The following GRID1 variants were observed in gnomAD, a reference collection of about 807,000 sequenced individuals.
GRID1 encodes glutamate ionotropic receptor delta type subunit 1.
In GRID1, 28 loss-of-function variants were observed where a neutral mutation model predicts 98.0. That is an observed-to-expected ratio of 0.29 (90% confidence interval 0.21 to 0.39). The LOEUF (loss-of-function observed/expected upper bound fraction) is 0.39, where lower values mean the gene tolerates loss of function less well. Among genes scored for constraint, GRID1 ranks in the 10% least tolerant of loss-of-function variants. GRID1 has a pLI of 1.00. For synonymous variants in GRID1, 553 were observed against 538.5 expected, an observed-to-expected ratio of 1.03 and a Z score of -0.37; for missense variants, 1,111 against 1,340.5, an observed-to-expected ratio of 0.83 and a Z score of 2.67.
At chr10:85,779,805 T>C (rs937710649) in intron 8 of GRID1, among the ~76,000 whole-genome samples, 2 of 152,148 alleles carry the variant, frequency 1.3e-5, no homozygotes, top group African/African-American at 2.4e-5. Context: ...CCTGTGGAGA[T>C]GAAGACGGAA....
chr10:86,183,419 G>A (rs923192256), intron 3 of GRID1, among the ~76,000 whole-genome samples: 2 of 152,052 alleles, frequency 1.3e-5, no homozygotes, highest in Non-Finnish European at 2.9e-5. Flanking sequence ...AAGTGCAATG[G>A]CATGATCTCA....
At chr10:86,145,912 G>A (rs954666727) in intron 3 of GRID1, among the ~76,000 whole-genome samples, 16 of 152,090 alleles carry the variant, frequency 1.1e-4, no homozygotes, top group African/African-American at 3.4e-4. Flanking sequence ...CCACGTAGCC[G>A]GTGGAGGCAA....
intron 4 of GRID1, among the ~76,000 whole-genome samples, chr10:86,002,161 G>A (rs1365382184): frequency 6.6e-6 from 1 of 152,140 alleles, no homozygotes; most frequent in African/African-American, 2.4e-5. Flanking sequence ...TGCCAAACAA[G>A]GTCACATTCA....
chr10:86,266,026 G>A (rs1240222843), intron 2 of GRID1, among the ~76,000 whole-genome samples: 1 of 152,010 alleles, frequency 6.6e-6, no homozygotes, highest in Non-Finnish European at 1.5e-5. Flanking sequence ...CCCTCTCAGA[G>A]GCTCAGGTCT....
At chr10:86,055,448 C>T (rs1843559484) in intron 4 of GRID1, among the ~76,000 whole-genome samples, 1 of 152,092 alleles carries the variant, frequency 6.6e-6, no homozygotes, top group African/African-American at 2.4e-5. Flanking sequence ...GTGGGGCCTT[C>T]ATGATGGGAT....
intron 2 of GRID1, among the ~76,000 whole-genome samples, chr10:86,325,948 T>C (rs1848043689): frequency 6.6e-6 from 1 of 152,192 alleles, no homozygotes; most frequent in Non-Finnish European, 1.5e-5. Flanking sequence ...AAAATTGACA[T>C]AATTTGTAGC....
chr10:85,802,838 AACACAC>A (rs59101010), intron 8 of GRID1, among the ~76,000 whole-genome samples: 9,044 of 120,896 alleles, frequency 0.075, 499 homozygotes, highest in African/African-American at 0.14. Context: ...AAGCAGAATA[AACACAC>A]ACACACACAC....
intron 12 of GRID1, among the ~76,000 whole-genome samples, chr10:85,662,575 C>G (rs150628139): frequency 1.1e-4 from 17 of 152,184 alleles, no homozygotes; most frequent in African/African-American, 3.1e-4. Context: ...CAATGCCAAC[C>G]GGAGAGAGGC....
At chr10:85,925,255 G>A (rs2131829346) in intron 4 of GRID1, among the ~76,000 whole-genome samples, 1 of 152,340 alleles carries the variant, frequency 6.6e-6, no homozygotes, top group African/African-American at 2.4e-5. Flanking sequence ...GTCCTGATGG[G>A]AGGCAACGGA....
intron 6 of GRID1, among the ~76,000 whole-genome samples, chr10:85,864,618 G>A (rs191267305): frequency 1.7e-3 from 253 of 152,328 alleles, no homozygotes; most frequent in African/African-American, 5.5e-3. Context: ...GGGAGGCTCA[G>A]TGAAGCTCCA....
intron 2 of GRID1, among the ~76,000 whole-genome samples, chr10:86,292,266 C>T (rs1489020433): frequency 2.0e-5 from 3 of 152,250 alleles, no homozygotes; most frequent in African/African-American, 4.8e-5. Context: ...ATGGCACATC[C>T]GCAGGCCTCA....
intron 5 of GRID1, among the ~76,000 whole-genome samples, chr10:85,889,940 C>T (rs1188407683): frequency 2.0e-5 from 3 of 151,958 alleles, no homozygotes; most frequent in Admixed American, 6.6e-5. Context: ...TGCACATATT[C>T]GGGGGTATAT....
chr10:85,727,822 G>GC, intron 10 of GRID1, 33 bp downstream of exon 10: 1 of 1,514,556 alleles, frequency 6.6e-7, no homozygotes, highest in Non-Finnish European at 9.2e-7. Flanking sequence ...AGACTAGGGT[G>GC]CCCCTCCCCC....
intron 2 of GRID1, among the ~76,000 whole-genome samples, chr10:86,345,660 C>T (rs548865432): frequency 6.6e-6 from 1 of 152,352 alleles, no homozygotes; most frequent in Non-Finnish European, 1.5e-5. Flanking sequence ...GCCATCCCCA[C>T]AGGCCTCTCT....
intron 8 of GRID1, among the ~76,000 whole-genome samples, chr10:85,816,041 T>C (rs2131747170): frequency 6.6e-6 from 1 of 152,034 alleles, no homozygotes; most frequent in East Asian, 1.9e-4. Flanking sequence ...CTGGCAAAAA[T>C]GTGGAGCAAA....
At chr10:86,224,427 C>T (rs1003030758) in intron 2 of GRID1, among the ~76,000 whole-genome samples, 21 of 152,198 alleles carry the variant, frequency 1.4e-4, no homozygotes, top group African/African-American at 5.1e-4. Context: ...CAGAGGAGAA[C>T]ACAAGGAGTC....
At chr10:86,108,171 G>A (rs1050612458) in intron 4 of GRID1, among the ~76,000 whole-genome samples, 4 of 152,144 alleles carry the variant, frequency 2.6e-5, no homozygotes, top group Non-Finnish European at 4.4e-5. Flanking sequence ...CAGCCTGCCC[G>A]TCTGTATGCT....
intron 4 of GRID1, among the ~76,000 whole-genome samples, chr10:86,124,548 G>T (rs956645835): frequency 1.3e-5 from 2 of 152,132 alleles, no homozygotes; most frequent in Non-Finnish European, 2.9e-5. Flanking sequence ...GTGCCCCCAC[G>T]AAACCACTCT....
intron 8 of GRID1, among the ~76,000 whole-genome samples, chr10:85,796,773 G>C (rs1261789101): frequency 6.6e-6 from 1 of 151,734 alleles, no homozygotes; most frequent in Non-Finnish European, 1.5e-5. Flanking sequence ...AGAAGCATTA[G>C]TTTCAATAAG....
Sources: gnomAD v4.1 joint callset for allele counts (sites outside exome capture counted in the v4.1 genomes callset) on GRCh38, gnomAD v4.1.1 for gene constraint, MANE v1.5 for transcripts, NCBI Gene and HGNC (gene_info 2026-07-23, HGNC 2026-07-21) for gene names.